Variants in PDK1 observed in about 807,000 individuals in gnomAD.
The protein encoded by PDK1 is pyruvate dehydrogenase kinase 1, also known as [Pyruvate dehydrogenase (acetyl-transferring)] kinase isozyme 1, mitochondrial.
PDK1 carries 39 observed loss-of-function variants against 54.2 expected under a neutral mutation model. The observed-to-expected ratio is 0.72, with a 90% CI of 0.56 to 0.94. PDK1 has a LOEUF of 0.94. PDK1 is among the 40% of genes least tolerant of loss of function. PDK1 has a pLI of 0.00. For synonymous variants in PDK1, 221 were observed against 207.1 expected, an observed-to-expected ratio of 1.07 and a Z score of -0.58; for missense variants, 552 against 566.0, an observed-to-expected ratio of 0.98 and a Z score of 0.25.
Position 172,599,327 on chromosome 2 carries a change from T to A in PDK1, c.*3358T>A, listed in dbSNP as rs1468812955. ...AAGCCAACAAGTTCCGTAACAGAACTCCAGAGGTAAATAGCTGGGAAAACT... is the reference window on the plus strand; with the variant it reads ...AAGCCAACAAGTTCCGTAACAGAACACCAGAGGTAAATAGCTGGGAAAACT... On this transcript the variant is annotated 3_prime_UTR_variant, in exon 11 of 11. Transcript: ENST00000282077. 1 of 152,130 alleles carries A rather than the reference T, an allele frequency of 6.6e-6. No homozygotes were observed. The highest frequency in any genetic ancestry group is 1.9e-4 in the East Asian group (1 of 5,200). 9.4% of individuals were successfully genotyped at this position (152,130 alleles called of 1,614,324 possible).
Position 172,583,281 on chromosome 2 carries a change from G to GTTTTTTTTTTTTTTTTTTTTTT in PDK1, c.946-2987_946-2966dup, listed in dbSNP as rs1175087926. Reference sequence around the variant, plus strand: ...CATAATGCTGCATAAAAGTTTTCTGGTTTTTTTTTTTTTTTTTTTTTTTTT... The same window carrying GTTTTTTTTTTTTTTTTTTTTTT: ...CATAATGCTGCATAAAAGTTTTCTGGTTTTTTTTTTTTTTTTTTTTTTTTTTTTTTTTTTTTTTTTTTTTTTT... On this transcript the variant is annotated intron_variant, in intron 8 of 10. Coordinates refer to ENST00000282077, the MANE Select transcript of PDK1 (RefSeq NM_002610.5). Among the ~76,000 whole-genome samples the GTTTTTTTTTTTTTTTTTTTTTT allele has an allele frequency of 1.9e-4, 15 of 77,074 alleles. 1 individual carries two copies. The highest frequency in any genetic ancestry group is 7.6e-4 in the African/African-American group (14 of 18,480). 50.6% of individuals were successfully genotyped at this position (77,074 alleles called of 152,430 possible).
intron 8 of PDK1, among the ~76,000 whole-genome samples, chr2:172,581,010 G>T (rs1338344985): frequency 6.6e-6 from 1 of 152,166 alleles, no homozygotes; most frequent in Admixed American, 6.5e-5. Context: ...AAAATTGACA[G>T]TGGTAATGGT....
the PDK1 span, among the ~76,000 whole-genome samples, chr2:172,655,405 T>A: frequency 6.6e-6 from 1 of 152,242 alleles, no homozygotes; most frequent in Non-Finnish European, 1.5e-5. Flanking sequence ...CAGTGACCCC[T>A]TTTAGGAACC....
rs1182614456 is a variant in PDK1 at position 172,604,037 on chromosome 2, G to T, written c.*8068G>T. On this transcript the variant is annotated 3_prime_UTR_variant, in exon 11 of 11. Coordinates refer to ENST00000282077, the MANE Select transcript of PDK1 (RefSeq NM_002610.5). ...TTAAATTTCTAGACCAATTTGAGGA[G>T]AATTTAACAATAGCTTTTCAATTTA... is the stretch of plus-strand genomic sequence containing the variant. The T allele has an allele frequency of 6.6e-6, 1 of 152,192 alleles. No individual in the cohort carries two copies. The highest frequency in any genetic ancestry group is 1.5e-5 in the Non-Finnish European group (1 of 68,032). 9.4% of individuals were successfully genotyped at this position (152,192 alleles called of 1,614,324 possible). A position where few individuals can be genotyped will look rare whatever the true frequency, so the allele number is the denominator to read the frequency against.
chr2:172,612,633 C>A (rs890097555), downstream of PDK1, among the ~76,000 whole-genome samples: 11 of 151,988 alleles, frequency 7.2e-5, no homozygotes, highest in Non-Finnish European at 1.5e-4. Flanking sequence ...CAAATACATG[C>A]TGTACATGCA....
chr2:172,715,248 T>C, the PDK1 span, among the ~76,000 whole-genome samples: 1 of 152,140 alleles, frequency 6.6e-6, no homozygotes, highest in Admixed American at 6.5e-5. Context: ...GTGAGAGGTT[T>C]GCCTTTACTT....
chr2:172,556,379 C>T (rs1485761682), intron 1 of PDK1, 33 bp downstream of exon 1: 4 of 1,376,724 alleles, frequency 2.9e-6, no homozygotes, highest in Admixed American at 3.1e-5. Context: ...GGCCTTTTTG[C>T]GCGGTCCCGG....
Position 172,605,953 on chromosome 2 carries a change from CTA to C in PDK1, c.*9986_*9987del. 6.6e-6 allele frequency: 1 copy of C among 152,066 alleles called. No homozygotes were observed. Among genetic ancestry groups the C allele is most frequent in the East Asian group, 1.9e-4 (1 of 5,180 alleles). The allele number at this position is 152,066 out of a possible 1,614,324, so 9.4% of individuals were successfully genotyped here. On this transcript the variant is annotated 3_prime_UTR_variant, in exon 11 of 11. Coordinates refer to ENST00000282077, the MANE Select transcript of PDK1 (RefSeq NM_002610.5). ...TGCTATAATTTCTGCAGTCCAATCA[CTA>C]TTCTTCCCAAACTCCATGAGCCAGA...
At position 172,607,027 on chromosome 2, in the gene PDK1, A is replaced by G. The variant is rs920563909; in HGVS notation, c.*11058A>G. ...AATATAAAAGAGTAAGCCTTTAGAA[A>G]CAGTTTGTGTCTAAATTAGCTCTCA... On this transcript the variant is annotated 3_prime_UTR_variant, in exon 11 of 11. Transcript: ENST00000282077. 7.9e-5 allele frequency: 12 copies of G among 152,342 alleles called. 1 individual carries two copies. The highest frequency in any genetic ancestry group is 7.2e-4 in the Admixed American group (11 of 15,294). The allele number at this position is 152,342 out of a possible 1,614,324, so 9.4% of individuals were successfully genotyped here.
intron 3 of PDK1, 92 bp downstream of exon 3, chr2:172,562,383 A>C: frequency 2.6e-6 from 2 of 771,714 alleles, no homozygotes; most frequent in Non-Finnish European, 4.6e-6. Context: ...ACTTTAGAAC[A>C]TGTGATATAT....
At chr2:172,644,528 A>G in the PDK1 span, among the ~76,000 whole-genome samples, 1 of 152,222 alleles carries the variant, frequency 6.6e-6, no homozygotes, top group African/African-American at 2.4e-5. Flanking sequence ...TGTCTAGCAC[A>G]TTTCAAGTAC....
At chr2:172,684,604 A>T in the PDK1 span, among the ~76,000 whole-genome samples, 8 of 152,234 alleles carry the variant, frequency 5.3e-5, no homozygotes, top group African/African-American at 1.9e-4. Flanking sequence ...GACTTTAATC[A>T]AGCTGGGATC....
At chr2:172,714,031 T>A in the PDK1 span, among the ~76,000 whole-genome samples, 1 of 152,236 alleles carries the variant, frequency 6.6e-6, no homozygotes, top group East Asian at 1.9e-4. Flanking sequence ...TGGAAATAAA[T>A]GCCTGATTTT....
chr2:172,722,192 T>A, the PDK1 span, among the ~76,000 whole-genome samples: 1 of 152,242 alleles, frequency 6.6e-6, no homozygotes, highest in Non-Finnish European at 1.5e-5. Context: ...TCCTAATCCC[T>A]AATGACTGTG....
intron 8 of PDK1, among the ~76,000 whole-genome samples, chr2:172,572,051 C>T (rs1006422384): frequency 2.0e-5 from 3 of 151,946 alleles, no homozygotes; most frequent in African/African-American, 4.8e-5. Flanking sequence ...AGGCTGGTCT[C>T]GAACTCGACC....
the PDK1 span, among the ~76,000 whole-genome samples, chr2:172,629,806 C>T: frequency 3.8e-3 from 580 of 152,240 alleles, 2 homozygotes; most frequent in Middle Eastern, 0.02. Context: ...CTGCTCCTGC[C>T]GATTGGCCAG....
downstream of PDK1, among the ~76,000 whole-genome samples, chr2:172,612,098 G>A (rs1691481291): frequency 6.6e-6 from 1 of 152,222 alleles, no homozygotes; most frequent in Non-Finnish European, 1.5e-5. Context: ...TTCTCTAAAT[G>A]TATAATGCAG....
chr2:172,581,586 G>T (rs1268712130), intron 8 of PDK1, among the ~76,000 whole-genome samples: 1 of 152,160 alleles, frequency 6.6e-6, no homozygotes, highest in Non-Finnish European at 1.5e-5. Flanking sequence ...GCCTTCACCT[G>T]TTGTTTCTGC....
chr2:172,711,865 C>CAAAAAAAAAAAAAA, the PDK1 span, among the ~76,000 whole-genome samples: 7 of 22,784 alleles, frequency 3.1e-4, no homozygotes, highest in Non-Finnish European at 3.5e-4. Flanking sequence ...GAACCTAGCT[C>CAAAAAAAAAAAAAA]AAAAAAAAAA....
Sources: gnomAD v4.1 joint callset for allele counts (sites outside exome capture counted in the v4.1 genomes callset) on GRCh38, gnomAD v4.1.1 for gene constraint, MANE v1.5 for transcripts, NCBI Gene and HGNC (gene_info 2026-07-23, HGNC 2026-07-21) for gene names.